The following SRGAP1 variants were observed in gnomAD, a reference collection of about 807,000 sequenced individuals.
The protein encoded by SRGAP1 is SLIT-ROBO Rho GTPase-activating protein 1.
A neutral mutation model predicts 121.9 loss-of-function variants in SRGAP1; 43 were observed. The ratio of observed to expected loss-of-function variants is 0.35; its 90% confidence interval spans 0.28 to 0.46. The LOEUF (loss-of-function observed/expected upper bound fraction) is 0.46, where lower values mean the gene tolerates loss of function less well. Ranked by LOEUF, SRGAP1 falls within the 20% of genes least tolerant of loss-of-function variation. SRGAP1 has a pLI of 1.00. For missense variants in SRGAP1, 1,102 were observed against 1,350.9 expected, an observed-to-expected ratio of 0.82 and a Z score of 2.89; for synonymous variants, 447 against 485.4, an observed-to-expected ratio of 0.92 and a Z score of 1.04.
At chr12:64,119,035 T>G (rs537244286) in intron 18 of SRGAP1, among the ~76,000 whole-genome samples, 4 of 152,296 alleles carry the variant, frequency 2.6e-5, no homozygotes, top group African/African-American at 9.6e-5. Flanking sequence ...CCTTTAAGGT[T>G]TTGCTTTTCA....
At chr12:64,017,805 A>G (rs941470090) in intron 4 of SRGAP1, among the ~76,000 whole-genome samples, 4 of 151,514 alleles carry the variant, frequency 2.6e-5, no homozygotes, top group East Asian at 3.9e-4. Context: ...TTTTTTTTGC[A>G]ATAATTTGCT....
At chr12:64,007,130 G>C (rs919210547) in intron 3 of SRGAP1, among the ~76,000 whole-genome samples, 2 of 152,096 alleles carry the variant, frequency 1.3e-5, no homozygotes, top group African/African-American at 4.8e-5. Flanking sequence ...ATAAAAACTT[G>C]TACTTAATAT....
chr12:64,039,331 A>G (rs1332378856), intron 4 of SRGAP1, among the ~76,000 whole-genome samples: 1 of 152,210 alleles, frequency 6.6e-6, no homozygotes, highest in East Asian at 1.9e-4. Flanking sequence ...GCGTTAGGTC[A>G]GACTCAAATG....
At chr12:63,887,903 C>T (rs1260220767) in intron 1 of SRGAP1, 1 of 152,238 alleles carries the variant, frequency 6.6e-6, no homozygotes. Flanking sequence ...CAGGTAATAT[C>T]CTGAGAAGCT....
chr12:64,000,443 T>G (rs1231359736), intron 3 of SRGAP1, among the ~76,000 whole-genome samples: 2 of 151,880 alleles, frequency 1.3e-5, no homozygotes, highest in African/African-American at 4.8e-5. Context: ...ACATGATTTC[T>G]GAAGAAAAAA....
At chr12:63,969,157 G>A (rs950400932) in intron 1 of SRGAP1, among the ~76,000 whole-genome samples, 25 of 152,124 alleles carry the variant, frequency 1.6e-4, no homozygotes, top group African/African-American at 6.0e-4. Flanking sequence ...TAGAGTAGTT[G>A]CATTTAAAAC....
chr12:63,988,237 G>A (rs1314504256), intron 2 of SRGAP1, among the ~76,000 whole-genome samples: 2 of 152,186 alleles, frequency 1.3e-5, no homozygotes, highest in African/African-American at 4.8e-5. Context: ...AGGATATGTT[G>A]AAGCATGAAA....
intron 1 of SRGAP1, among the ~76,000 whole-genome samples, chr12:63,862,510 T>TA (rs1404400440): frequency 6.6e-6 from 1 of 152,222 alleles, no homozygotes; most frequent in African/African-American, 2.4e-5. Context: ...AGGTGCGGCT[T>TA]ATGCAAACAG....
chr12:64,139,596 T>C (rs949943058), intron 21 of SRGAP1, among the ~76,000 whole-genome samples: 4 of 152,010 alleles, frequency 2.6e-5, no homozygotes, highest in Non-Finnish European at 5.9e-5. Flanking sequence ...TTGTTTGTTT[T>C]TTTCTTGTAA....
At chr12:64,128,647 C>A (rs2036737632) in intron 21 of SRGAP1, among the ~76,000 whole-genome samples, 1 of 152,148 alleles carries the variant, frequency 6.6e-6, no homozygotes, top group Non-Finnish European at 1.5e-5. Context: ...TGTTTCAAGA[C>A]CCCCAGTGGA....
chr12:63,871,716 T>A, intron 1 of SRGAP1: 1 of 913,984 alleles, frequency 1.1e-6, no homozygotes, highest in Non-Finnish European at 1.7e-6. Context: ...CTCTTCAAAA[T>A]TAAAAGAAAA....
At chr12:64,139,446 TATC>T (rs2036921753) in intron 21 of SRGAP1, among the ~76,000 whole-genome samples, 1 of 152,240 alleles carries the variant, frequency 6.6e-6, no homozygotes. Context: ...TTTAAACTTT[TATC>T]ATAAAAGTTG....
At chr12:64,125,475 G>A (rs1309226450) in intron 18 of SRGAP1, among the ~76,000 whole-genome samples, 1 of 152,130 alleles carries the variant, frequency 6.6e-6, no homozygotes, top group Non-Finnish European at 1.5e-5. Flanking sequence ...ACTATTTATT[G>A]TGATTTTACT....
chr12:64,080,610 G>GAGCT, intron 10 of SRGAP1: 2 of 572,328 alleles, frequency 3.5e-6, no homozygotes, highest in Non-Finnish European at 6.4e-6. Flanking sequence ...AGTCAATACC[G>GAGCT]AGCTCCTAGG....
chr12:63,950,193 A>G (rs184711235), intron 1 of SRGAP1, among the ~76,000 whole-genome samples: 8 of 152,314 alleles, frequency 5.3e-5, no homozygotes, highest in African/African-American at 1.9e-4. Flanking sequence ...AAAGCCCTCA[A>G]CCTAATAACC....
chr12:63,908,863 TC>T, intron 1 of SRGAP1, among the ~76,000 whole-genome samples: 1 of 152,278 alleles, frequency 6.6e-6, no homozygotes. Flanking sequence ...TTGTTCAACT[TC>T]CCTTTTTGAC....
chr12:64,135,637 C>G (rs149509313), intron 21 of SRGAP1, among the ~76,000 whole-genome samples: 345 of 152,262 alleles, frequency 2.3e-3, no homozygotes, highest in African/African-American at 8.1e-3. Flanking sequence ...ACTCTCTAAA[C>G]AGTTCACACC....
chr12:63,900,389 TACAG>T (rs1293653383), intron 1 of SRGAP1, among the ~76,000 whole-genome samples: 2 of 151,780 alleles, frequency 1.3e-5, no homozygotes, highest in East Asian at 3.9e-4. Flanking sequence ...GTATTTTTGG[TACAG>T]ACAGAGTTTC....
intron 1 of SRGAP1, among the ~76,000 whole-genome samples, chr12:63,883,647 T>TC (rs1331132964): frequency 2.6e-5 from 4 of 151,326 alleles, no homozygotes; most frequent in Non-Finnish European, 5.9e-5. Context: ...TAAAGGGAAA[T>TC]CCTTTTTTCT....
Sources: gnomAD v4.1 joint callset for allele counts (sites outside exome capture counted in the v4.1 genomes callset) on GRCh38, gnomAD v4.1.1 for gene constraint, MANE v1.5 for transcripts, NCBI Gene and HGNC (gene_info 2026-07-23, HGNC 2026-07-21) for gene names.